GHR: variants seen among roughly 807,000 people sequenced by gnomAD.
The protein encoded by GHR is growth hormone receptor.
A neutral mutation model predicts 67.1 loss-of-function variants in GHR; 35 were observed. The ratio of observed to expected loss-of-function variants is 0.52; its 90% CI spans 0.40 to 0.69. The LOEUF (loss-of-function observed/expected upper bound fraction) is 0.69, where lower values mean the gene tolerates loss of function less well. Ranked by LOEUF, GHR falls within the 30% of genes least tolerant of loss-of-function variation. GHR has a pLI of 0.00. For missense variants in GHR, 792 were observed against 764.6 expected (o/e 1.04, Z -0.42); for synonymous variants, 272 against 269.1 (o/e 1.01, Z -0.10).
intron 7 of GHR, 57 bp downstream of exon 7, chr5:42,711,429 TTGATTC>T: frequency 8.4e-7 from 1 of 1,188,680 alleles, no homozygotes; most frequent in Non-Finnish European, 1.3e-6. Flanking sequence ...AATATAACAG[TTGATTC>T]ACCCCTGCAC....
intron 1 of GHR, among the ~76,000 whole-genome samples, chr5:42,534,480 GTGTATATATGTATGTATATA>G (rs1748161283): frequency 7.1e-6 from 1 of 140,158 alleles, no homozygotes; most frequent in African/African-American, 3.0e-5. Flanking sequence ...ATATGTATAT[GTGTATATATGTATGTATATA>G]TGTACATATG....
At chr5:42,571,805 G>A (rs768983229) in intron 2 of GHR, among the ~76,000 whole-genome samples, 7 of 152,182 alleles carry the variant, frequency 4.6e-5, no homozygotes, top group East Asian at 1.9e-4. Context: ...CACCACTTTG[G>A]TTCAGTATCC....
chr5:42,629,098 A>T lies in GHR; in HGVS notation c.131A>T (p.Lys44Met). 1.5e-6 allele frequency: 2 copies of T among 1,334,796 alleles called. No homozygotes were observed. The highest frequency in any genetic ancestry group is 2.1e-6 in the Non-Finnish European group (2 of 955,964). 82.7% of individuals were successfully genotyped at this position (1,334,796 alleles called of 1,614,324 possible). ...CTGCAAAGTGTTAATCCAGGCCTAAAGACAAGTAAGAATTTCAGTCCTTTT... is the reference window on the plus strand; with the variant it reads ...CTGCAAAGTGTTAATCCAGGCCTAATGACAAGTAAGAATTTCAGTCCTTTT... The part of the protein sequence containing the change: ...WSLQSVNPGL[K>M]TNSSKEPKFT... The change falls in exon 3 of 10, where the codon AAG becomes ATG. Residue 44 changes from lysine to methionine, a missense_variant. Physicochemically the swap from Lys to Met is moderately conservative, Grantham distance 95. Transcript: ENST00000230882.
At chr5:42,601,048 T>A (rs1444746321) in intron 2 of GHR, among the ~76,000 whole-genome samples, 8 of 146,922 alleles carry the variant, frequency 5.4e-5, no homozygotes, top group Non-Finnish European at 1.2e-4. Flanking sequence ...TGTCTCAGCC[T>A]CCTGAGTAGC....
chr5:42,522,836 C>T (rs1747535167), intron 1 of GHR, among the ~76,000 whole-genome samples: 1 of 152,094 alleles, frequency 6.6e-6, no homozygotes, highest in African/African-American at 2.4e-5. Flanking sequence ...AGGTGGTTGT[C>T]TATGCTTCTG....
In GHR at chr5:42,720,932, TG is replaced by T. The variant is rs1319102682; in HGVS notation, c.*1509del. 6.6e-6 allele frequency: 1 copy of T among 152,076 alleles called. No homozygotes were observed. Among genetic ancestry groups the T allele is most frequent in the Admixed American group, 6.5e-5 (1 of 15,274 alleles). 9.4% of individuals were successfully genotyped at this position (152,076 alleles called of 1,614,324 possible). On this transcript the variant is annotated 3_prime_UTR_variant, in exon 10 of 10. Transcript: ENST00000230882. ...AAACATCATTCATTTTTGTTGTTGT[TG>T]TTGTTGTTGAGACAGAGTCTCGCTC...
At chr5:42,690,581 G>A (rs1242655994) in intron 4 of GHR, among the ~76,000 whole-genome samples, 2 of 152,232 alleles carry the variant, frequency 1.3e-5, no homozygotes, top group African/African-American at 4.8e-5. Context: ...CCAGTAAATT[G>A]TTATAATTAT....
chr5:42,442,635 G>C (rs553116390), intron 1 of GHR, among the ~76,000 whole-genome samples: 1 of 152,322 alleles, frequency 6.6e-6, no homozygotes, highest in East Asian at 1.9e-4. Context: ...AGCCCAGGAT[G>C]CTGCACCCCA....
chr5:42,488,547 C>T (rs1481219317), intron 1 of GHR, among the ~76,000 whole-genome samples: 2 of 152,144 alleles, frequency 1.3e-5, no homozygotes, highest in African/African-American at 4.8e-5. Flanking sequence ...ATTGTGACAT[C>T]TCAATTTTTT....
intron 1 of GHR, among the ~76,000 whole-genome samples, chr5:42,448,908 T>C (rs181280485): frequency 6.0e-4 from 92 of 152,254 alleles, no homozygotes; most frequent in African/African-American, 2.2e-3. Context: ...CCCCACTTCA[T>C]GTTTTTGTTT....
intron 1 of GHR, among the ~76,000 whole-genome samples, chr5:42,494,689 C>T (rs923225417): frequency 2.0e-5 from 3 of 152,134 alleles, no homozygotes; most frequent in African/African-American, 7.2e-5. Flanking sequence ...TTCCTGAATA[C>T]ATCTTGGGTA....
rs187417440 is a variant in GHR, at chr5:42,688,290, G to A, written c.137-600G>A. On this transcript the variant is annotated intron_variant, in intron 3 of 9. Coordinates refer to ENST00000230882, the MANE Select transcript of GHR (RefSeq NM_000163.5). ...CCGGGCAGACTCAGGTGCCTGCCTC[G>A]GCAAAGACCCTCAGCTCATGTGCAG... Among the ~76,000 whole-genome samples the A allele has an allele frequency of 2.0e-3, 303 of 152,294 alleles. 2 individuals carry two copies. Among genetic ancestry groups the A allele is most frequent in the Non-Finnish European group, 3.3e-3 (226 of 68,022 alleles).
At chr5:42,663,767 A>G (rs572588024) in intron 3 of GHR, among the ~76,000 whole-genome samples, 76 of 152,334 alleles carry the variant, frequency 5.0e-4, no homozygotes, top group African/African-American at 1.8e-3. Flanking sequence ...GGAGAAGGAA[A>G]TAAAGAGTAT....
intron 2 of GHR, among the ~76,000 whole-genome samples, chr5:42,615,229 CA>C (rs765707274): frequency 5.9e-5 from 9 of 151,960 alleles, no homozygotes; most frequent in Non-Finnish European, 1.0e-4. Flanking sequence ...AAAACTGCTA[CA>C]GAAAAAATAA....
intron 1 of GHR, among the ~76,000 whole-genome samples, chr5:42,433,886 A>AT (rs1415268287): frequency 6.6e-6 from 1 of 151,644 alleles, no homozygotes; most frequent in Non-Finnish European, 1.5e-5. Flanking sequence ...TGGATTTGTT[A>AT]TCCGTTGGAA....
intron 7 of GHR, among the ~76,000 whole-genome samples, chr5:42,712,815 G>A (rs185279655): frequency 5.6e-4 from 85 of 151,480 alleles, no homozygotes; most frequent in Admixed American, 4.7e-3. Context: ...CCTCAGTAGT[G>A]ATCTTTCTGT....
chr5:42,502,679 C>G (rs1448236497), intron 1 of GHR, among the ~76,000 whole-genome samples: 1 of 151,748 alleles, frequency 6.6e-6, no homozygotes, highest in Non-Finnish European at 1.5e-5. Flanking sequence ...CCAAAGTCAT[C>G]CTGTTGGCAC....
At chr5:42,482,498 G>A (rs189086043) in intron 1 of GHR, among the ~76,000 whole-genome samples, 1 of 152,334 alleles carries the variant, frequency 6.6e-6, no homozygotes, top group Admixed American at 6.5e-5. Context: ...TACAGAGGCA[G>A]GCAGGCCTCC....
At chr5:42,470,423 C>G (rs1486826423) in intron 1 of GHR, among the ~76,000 whole-genome samples, 1 of 151,896 alleles carries the variant, frequency 6.6e-6, no homozygotes, top group African/African-American at 2.4e-5. Flanking sequence ...TTCAGTTAGC[C>G]AAAGGTGAGA....
Sources: allele counts gnomAD v4.1 joint callset (sites outside exome capture counted in the v4.1 genomes callset), GRCh38; gene constraint gnomAD v4.1.1; transcripts MANE v1.5; gene names NCBI Gene and HGNC (gene_info 2026-07-23, HGNC 2026-07-21).